ZNF81: variants seen among roughly 807,000 people sequenced by gnomAD.
ZNF81 encodes the protein zinc finger protein 81 (HFZ20).
Under a neutral mutation model 32.3 loss-of-function variants are expected in ZNF81, and 5 were observed. That is an observed-to-expected ratio of 0.15 (90% CI 0.08 to 0.33). The LOEUF is 0.33. Among genes scored for constraint, ZNF81 ranks in the 10% least tolerant of loss-of-function variants. The probability of loss-of-function intolerance (pLI) is 1.00; values close to 1 mark genes in which losing one functional copy is unlikely to be tolerated. For missense variants in ZNF81, 379 were observed against 479.8 expected, an observed-to-expected ratio of 0.79 and a Z score of 1.96; for synonymous variants, 163 against 166.8, an observed-to-expected ratio of 0.98 and a Z score of 0.17.
At chrX:47,893,532 G>T (rs1487254071) in intron 3 of ZNF81, among the ~76,000 whole-genome samples, 2 of 110,818 alleles carry the variant, frequency 1.8e-5, no homozygotes, top group Non-Finnish European at 3.8e-5. Context: ...TACTTTTATG[G>T]TTATAAATAG....
intron 2 of ZNF81, among the ~76,000 whole-genome samples, chrX:47,866,726 G>C (rs2058561301): frequency 9.0e-6 from 1 of 111,531 alleles, no homozygotes; most frequent in Non-Finnish European, 1.9e-5. Flanking sequence ...GTGACAGGGA[G>C]ATAGGATCCT....
chrX:47,870,349 G>C (rs1035540753), intron 2 of ZNF81, among the ~76,000 whole-genome samples: 2 of 112,267 alleles, frequency 1.8e-5, no homozygotes, highest in Admixed American at 1.9e-4. Context: ...AAGGCTAGTG[G>C]TAAAGCCATT....
chrX:47,856,775 T>C (rs1388026451), intron 2 of ZNF81, among the ~76,000 whole-genome samples: 1 of 110,807 alleles, frequency 9.0e-6, no homozygotes, highest in Non-Finnish European at 1.9e-5. Flanking sequence ...CGAAACCCCA[T>C]CTCTACTAAA....
chrX:47,843,432 T>TACACACACACACACACACACACACAC (rs782116296), intron 1 of ZNF81, among the ~76,000 whole-genome samples: 4 of 96,874 alleles, frequency 4.1e-5, no homozygotes, highest in African/African-American at 1.5e-4. Flanking sequence ...TTCCTATATC[T>TACACACACACACACACACACACACAC]ACACACACAC....
intron 2 of ZNF81, among the ~76,000 whole-genome samples, chrX:47,881,758 A>G (rs1013251700): frequency 9.1e-6 from 1 of 109,368 alleles, no homozygotes; most frequent in African/African-American, 3.4e-5. Context: ...CCCTGAATAT[A>G]TTTCAATATA....
At position 47,916,474 on chromosome X, in the gene ZNF81, T is replaced by C. The variant is rs868914481; in HGVS notation, c.1828T>C (p.Tyr610His). The part of the protein sequence containing the change: ...HQRIHTGEKP[Y>H]ICAECGKAFT... ...ACGAATTCACACAGGGGAGAAACCA[T>C]ATATATGTGCAGAATGTGGGAAAGC... is the stretch of plus-strand genomic sequence containing the variant. Residue 610 changes from tyrosine to histidine, a missense_variant, in exon 5 of 5, where the codon TAT (tyrosine) becomes CAT (histidine). Physicochemically the swap from Tyr to His is moderately conservative, Grantham distance 83. This residue lies in a region of ZNF81 where 102 missense variants were observed against 173.2 expected (regional missense o/e 0.59). Transcript: ENST00000338637. 8.3e-7 allele frequency: 1 copy of C among 1,210,995 alleles called. No homozygotes were observed. The highest frequency in any genetic ancestry group is 1.1e-6 in the Non-Finnish European group (1 of 895,201).
At chrX:47,844,671 A>T (rs1275780190) in intron 1 of ZNF81, among the ~76,000 whole-genome samples, 5 of 112,164 alleles carry the variant, frequency 4.5e-5, no homozygotes, top group African/African-American at 1.6e-4. Context: ...ATGGGTTTTT[A>T]AAAATTTCTC....
Position 47,915,589 on chromosome X carries a change from C to G in ZNF81, c.943C>G (p.Pro315Ala). 1 of 1,211,190 alleles carries G rather than the reference C, an allele frequency of 8.3e-7. No individual in the cohort carries two copies. Among genetic ancestry groups the G allele is most frequent in the Non-Finnish European group, 1.1e-6 (1 of 895,172 alleles). The change falls in exon 5 of 5, where the codon CCA becomes GCA. Residue 315 changes from proline (P) to alanine (A), a missense_variant. By Grantham distance (27) the Pro-to-Ala change is conservative (BLOSUM62 -1). Around this residue, in one of 2 missense-constraint regions of ZNF81, gnomAD observed 277 missense variants for 306.6 expected, o/e 0.90. Coordinates refer to ENST00000338637, the MANE Select transcript of ZNF81 (RefSeq NM_007137.5). Reference protein sequence around the residue: ...SKCVNVFTQKPLLSIYLRVHR... With the variant: ...SKCVNVFTQKALLSIYLRVHR... ...ATGTGTAAATGTTTTTACACAGAAG[C>G]CACTACTCAGTATATATCTGAGAGT...
At chrX:47,888,173 A>C in intron 3 of ZNF81, 48 bp downstream of exon 3, 1 of 1,185,208 alleles carries the variant, frequency 8.4e-7, no homozygotes, top group Non-Finnish European at 1.1e-6. Flanking sequence ...TTATGGGTTA[A>C]ATTGTGCCCC....
chrX:47,859,810 G>A (rs1421798268), intron 2 of ZNF81, among the ~76,000 whole-genome samples: 3 of 111,563 alleles, frequency 2.7e-5, no homozygotes, highest in African/African-American at 9.8e-5. Flanking sequence ...TTCCTACAGG[G>A]TGACGTGAAG....
chrX:47,873,736 G>A (rs1369270563), intron 2 of ZNF81, among the ~76,000 whole-genome samples: 2 of 111,491 alleles, frequency 1.8e-5, no homozygotes, highest in African/African-American at 3.3e-5. Context: ...GCACAATCTC[G>A]GCTCACTGCA....
intron 2 of ZNF81, among the ~76,000 whole-genome samples, chrX:47,882,492 G>T (rs782680913): frequency 1.8e-5 from 2 of 112,199 alleles, no homozygotes; most frequent in East Asian, 2.8e-4. Context: ...GTATTCCATT[G>T]TATGAAGACA....
Position 47,917,433 on chromosome X carries a change from G to C in ZNF81, c.*801G>C. 1 of 291,844 alleles carries C rather than the reference G, an allele frequency of 3.4e-6. No individual in the cohort carries two copies. The highest frequency in any genetic ancestry group is 9.0e-4 in the Middle Eastern group (1 of 1,109). 24.1% of individuals were successfully genotyped at this position (291,844 alleles called of 1,213,427 possible). On this transcript the variant is annotated 3_prime_UTR_variant, in exon 5 of 5. Transcript: ENST00000338637. The stretch of plus-strand genomic sequence containing the variant: ...TGTCTACTACTTGACTTTGAACTTG[G>C]CCACGTGACTTTCTTTGGCCAATGG...
intron 1 of ZNF81, among the ~76,000 whole-genome samples, chrX:47,842,210 C>T (rs192680710): frequency 9.0e-6 from 1 of 111,454 alleles, no homozygotes; most frequent in East Asian, 2.8e-4. Flanking sequence ...TTTTATGACC[C>T]CCGGTGTGGT....
intron 2 of ZNF81, among the ~76,000 whole-genome samples, chrX:47,883,351 A>G (rs1212496561): frequency 8.9e-6 from 1 of 112,052 alleles, no homozygotes; most frequent in Non-Finnish European, 1.9e-5. Flanking sequence ...CTGTGGCTTC[A>G]CTTTTCATTT....
intron 3 of ZNF81, among the ~76,000 whole-genome samples, chrX:47,894,605 AG>A (rs2058673526): frequency 9.0e-6 from 1 of 111,634 alleles, no homozygotes; most frequent in South Asian, 3.8e-4. Context: ...TCACAGAGAC[AG>A]GTAGCAAAAA....
Position 47,869,918 on chromosome X carries a change from A to G in ZNF81, c.55-18081A>G, listed in dbSNP as rs377289742. ...GTCATGTTGTCCAGGCTGGTCTGAA[A>G]CTCCTGGACTCAAGTGATTGCCTGC... On this transcript the variant is annotated intron_variant, in intron 2 of 4. Transcript: ENST00000338637. Among the ~76,000 whole-genome samples the G allele has an allele frequency of 2.7e-5, 3 of 109,616 alleles. No homozygotes were observed. In the East Asian group the frequency reaches 8.6e-4, roughly 31 times the overall value.
At chrX:47,875,950 A>G (rs782127750) in intron 2 of ZNF81, among the ~76,000 whole-genome samples, 2 of 112,010 alleles carry the variant, frequency 1.8e-5, no homozygotes, top group Admixed American at 1.9e-4. Context: ...TTTGTTATAC[A>G]TTCTTTTATA....
chrX:47,896,009 C>A, intron 4 of ZNF81, 69 bp downstream of exon 4: 1 of 794,736 alleles, frequency 1.3e-6, no homozygotes, highest in Non-Finnish European at 1.9e-6. Flanking sequence ...AAGACCGATG[C>A]CTTTAAAATG....
Sources: allele counts gnomAD v4.1 joint callset (sites outside exome capture counted in the v4.1 genomes callset), GRCh38; gene constraint gnomAD v4.1.1; regional missense constraint gnomAD v4.1.1; transcripts MANE v1.5; gene names NCBI Gene and HGNC (gene_info 2026-07-23, HGNC 2026-07-21).